Variants in MNT observed in about 807,000 individuals in gnomAD.
MNT encodes the protein max-binding protein MNT.
Under a neutral mutation model 40.7 loss-of-function variants are expected in MNT, and 13 were observed. That is an observed-to-expected ratio of 0.32 (90% CI 0.21 to 0.51). MNT has a LOEUF of 0.51. Ranked by LOEUF, MNT falls within the 20% of genes least tolerant of loss-of-function variation. The probability of loss-of-function intolerance (pLI) is 0.98; values close to 1 mark genes in which losing one functional copy is unlikely to be tolerated. For synonymous variants in MNT, 426 were observed against 354.8 expected (o/e 1.20, Z -2.26); for missense variants, 757 against 792.0 (o/e 0.96, Z 0.53).
chr17:2,395,394 C>G lies in MNT; in HGVS notation c.134G>C (p.Ser45Thr). The G allele has an allele frequency of 4.3e-6, 7 of 1,613,652 alleles. No homozygotes were observed. The highest frequency in any genetic ancestry group is 5.1e-6 in the Non-Finnish European group (6 of 1,179,926). The stretch of plus-strand genomic sequence containing the variant: ...AAGGGTATGTGCCAGCCTGGCCAGG[C>G]TATTGGCCTTCTTCTGTTCCTGCTC... ...EREQEQKKANSLARLAHTLPV... is the reference protein window; with the variant it reads ...EREQEQKKANTLARLAHTLPV... Residue 45 changes from serine (S) to threonine (T), a missense_variant, in exon 2 of 6, where the codon AGC becomes ACC. Around this residue, in one of 4 missense-constraint regions of MNT, gnomAD observed 335 missense variants for 291.4 expected, o/e 1.15. Coordinates refer to ENST00000174618, the MANE Select transcript of MNT (RefSeq NM_020310.3).
intron 1 of MNT, 109 bp from the exon 2 acceptor site, chr17:2,395,563 C>T: frequency 6.6e-7 from 1 of 1,514,654 alleles, no homozygotes; most frequent in Non-Finnish European, 8.8e-7. Context: ...CACCCCTGCT[C>T]AGCGAGAGAC....
chr17:2,399,689 G>A (rs1026250249), intron 1 of MNT, among the ~76,000 whole-genome samples: 4 of 152,114 alleles, frequency 2.6e-5, no homozygotes, highest in Non-Finnish European at 4.4e-5. Context: ...CGGTGAGGAG[G>A]GGCCGGGCCG....
intron 1 of MNT, among the ~76,000 whole-genome samples, chr17:2,400,067 C>A (rs897255632): frequency 1.3e-5 from 2 of 152,210 alleles, no homozygotes; most frequent in African/African-American, 4.8e-5. Flanking sequence ...CCCCAAGCGG[C>A]GCGTAGATCT....
rs2066437984 is a variant in MNT, at chr17:2,384,475, T to C, written c.*2426A>G. 6.6e-6 allele frequency: 1 copy of C among 152,416 alleles called. No individual in the cohort carries two copies. The highest frequency in any genetic ancestry group is 1.5e-5 in the Non-Finnish European group (1 of 67,996). 9.4% of individuals were successfully genotyped at this position (152,416 alleles called of 1,614,324 possible). On this transcript the variant is annotated 3_prime_UTR_variant, in exon 6 of 6. Coordinates refer to ENST00000174618, the MANE Select transcript of MNT (RefSeq NM_020310.3). ...GTTACCCTCCAGGCATTCCCTGCCTTCTTTGGCCCCCCAAGGAACCAACCT... is the reference window on the plus strand; with the variant it reads ...GTTACCCTCCAGGCATTCCCTGCCTCCTTTGGCCCCCCAAGGAACCAACCT...
intron 1 of MNT, among the ~76,000 whole-genome samples, chr17:2,398,607 C>T (rs181132482): frequency 1.4e-4 from 22 of 152,312 alleles, no homozygotes; most frequent in African/African-American, 5.1e-4. Context: ...TCTAGCTTTC[C>T]GCACCCACTC....
Position 2,394,933 on chromosome 17 carries a change from G to C in MNT, c.595C>G (p.Leu199Val), listed in dbSNP as rs758176205. Residue 199 changes from leucine to valine, a missense_variant, in exon 2 of 6, where the codon CTG becomes GTG. Physicochemically the swap from Leu to Val is conservative, Grantham distance 32. Around this residue, in one of 4 missense-constraint regions of MNT, gnomAD observed 335 missense variants for 291.4 expected, o/e 1.15. Coordinates refer to ENST00000174618, the MANE Select transcript of MNT (RefSeq NM_020310.3). The stretch of plus-strand genomic sequence containing the variant: ...ACTTCTTCAGCTGGTGCCAACTTCA[G>C]GGTCCCCAGCGTGGGTGGGGGCGGC... ...QQPPPPTLGT[L>V]KLAPAEEVKS... The C allele has an allele frequency of 3.1e-6, 5 of 1,607,586 alleles. No homozygotes were observed. Among genetic ancestry groups the C allele is most frequent in the Admixed American group, 3.4e-5 (2 of 59,160 alleles).
At chr17:2,394,853 G>C (rs1331884292) in intron 2 of MNT, 22 bp downstream of exon 2, 2 of 1,529,184 alleles carry the variant, frequency 1.3e-6, no homozygotes, top group South Asian at 1.2e-5. Context: ...CCACCAGCCC[G>C]ACCCCGCCAC....
rs760843496 is a variant in MNT, at chr17:2,387,405, T to C, written c.1245A>G (p.Pro415=). ...CCAGTGTCTGGGCAGGGGCAGCCGG[T>C]GGGGGAGGAGGGGCTGGCAGAGGGG... ...QKTPLPAPPP[P]PAAPAQTLVP... The change falls in exon 6 of 6, where the codon CCA becomes CCG. Residue 415 remains proline, a synonymous_variant. Coordinates refer to ENST00000174618, the MANE Select transcript of MNT (RefSeq NM_020310.3). 19 of 1,610,074 alleles carry C rather than the reference T, an allele frequency of 1.2e-5. No homozygotes were observed. In the Admixed American group the frequency reaches 2.4e-4, roughly 20 times the overall value.
At chr17:2,395,907 T>C (rs1597421816) in intron 1 of MNT, among the ~76,000 whole-genome samples, 1 of 148,874 alleles carries the variant, frequency 6.7e-6, no homozygotes, top group Admixed American at 6.7e-5. Flanking sequence ...GAGGGGGGGG[T>C]GTGCTGACAG....
intron 4 of MNT, among the ~76,000 whole-genome samples, chr17:2,393,114 C>T (rs60546385): frequency 0.087 from 13,117 of 150,862 alleles, 765 homozygotes; most frequent in African/African-American, 0.15. Context: ...AGAGGATGGA[C>T]AGGGAGAGTC....
rs1490874240 is a variant in MNT, at chr17:2,384,913, G to C, written c.*1988C>G. On this transcript the variant is annotated 3_prime_UTR_variant, in exon 6 of 6. Coordinates refer to ENST00000174618, the MANE Select transcript of MNT (RefSeq NM_020310.3). ...TGATGAGGTATCTGTGCAGGCCCGG[G>C]GGCCACTGGCCTCAGGATGCAGGGA... The C allele has an allele frequency of 6.6e-6, 1 of 152,582 alleles. No homozygotes were observed. The highest frequency in any genetic ancestry group is 6.5e-5 in the Admixed American group (1 of 15,272). 9.5% of individuals were successfully genotyped at this position (152,582 alleles called of 1,614,324 possible). A position where few individuals can be genotyped will look rare whatever the true frequency, so the allele number is the denominator to read the frequency against.
intron 1 of MNT, among the ~76,000 whole-genome samples, chr17:2,398,090 C>T (rs750247621): frequency 1.3e-5 from 2 of 152,254 alleles, no homozygotes; most frequent in Non-Finnish European, 2.9e-5. Context: ...CCAGCAGCCA[C>T]AGGAATTCTC....
chr17:2,388,796 C>CTTTCAATT (rs1321028344), intron 4 of MNT, among the ~76,000 whole-genome samples: 4 of 152,286 alleles, frequency 2.6e-5, no homozygotes, highest in African/African-American at 9.6e-5. Context: ...TGCTCCAACC[C>CTTTCAATT]GACACTTCAT....
At chr17:2,397,731 A>G (rs2066587486) in intron 1 of MNT, among the ~76,000 whole-genome samples, 1 of 152,070 alleles carries the variant, frequency 6.6e-6, no homozygotes, top group South Asian at 2.1e-4. Context: ...AGCCCACCGG[A>G]GCTTCCTGTC....
chr17:2,397,292 AG>A (rs2066584873), intron 1 of MNT, among the ~76,000 whole-genome samples: 1 of 152,130 alleles, frequency 6.6e-6, no homozygotes, highest in Non-Finnish European at 1.5e-5. Context: ...GCTGAGTTCC[AG>A]TGACAGGGCC....
At chr17:2,400,508 G>C (rs1021808604) in intron 1 of MNT, 132 bp downstream of exon 1, 10 of 762,686 alleles carry the variant, frequency 1.3e-5, no homozygotes, top group African/African-American at 9.4e-5. Context: ...GGCTCTCGCG[G>C]GGAGCCGTGC....
chr17:2,399,029 C>G (rs2066596137), intron 1 of MNT, among the ~76,000 whole-genome samples: 1 of 151,044 alleles, frequency 6.6e-6, no homozygotes, highest in Non-Finnish European at 1.5e-5. Flanking sequence ...CCGCCCGCCG[C>G]GGCGGCGGCA....
chr17:2,399,325 A>G (rs1242027529), intron 1 of MNT, among the ~76,000 whole-genome samples: 1 of 152,064 alleles, frequency 6.6e-6, no homozygotes, highest in Non-Finnish European at 1.5e-5. Flanking sequence ...TGAAGATAGG[A>G]GTCATTAGTC....
intron 1 of MNT, among the ~76,000 whole-genome samples, chr17:2,397,805 G>A (rs759549272): frequency 1.3e-5 from 2 of 152,166 alleles, no homozygotes; most frequent in African/African-American, 2.4e-5. Flanking sequence ...GTGGTGGCTG[G>A]TGCTCCCTCA....
Sources: allele counts gnomAD v4.1 joint callset (sites outside exome capture counted in the v4.1 genomes callset), GRCh38; gene constraint gnomAD v4.1.1; regional missense constraint gnomAD v4.1.1; transcripts MANE v1.5; gene names NCBI Gene and HGNC (gene_info 2026-07-23, HGNC 2026-07-21).